Variants in MCTP2 observed in about 807,000 individuals in gnomAD.
MCTP2 encodes the protein multiple C2 and transmembrane domain containing 2, also known as multiple C2 and transmembrane domain-containing protein 2.
MCTP2 carries 132 observed loss-of-function variants against 111.6 expected under a neutral mutation model. That is an observed-to-expected ratio of 1.18 (90% confidence interval 1.03 to 1.37). The LOEUF (loss-of-function observed/expected upper bound fraction) is 1.37, where lower values mean the gene tolerates loss of function less well. Ranked by LOEUF, MCTP2 falls within the 40% of genes most tolerant of loss-of-function variation. MCTP2 has a pLI of 0.00. For synonymous variants in MCTP2, 395 were observed against 387.7 expected (o/e 1.02, Z -0.22); for missense variants, 1,183 against 1,067.9 (o/e 1.11, Z -1.50).
intron 1 of MCTP2, among the ~76,000 whole-genome samples, chr15:94,259,072 C>T (rs1202029172): frequency 6.6e-6 from 1 of 152,162 alleles, no homozygotes; most frequent in Non-Finnish European, 1.5e-5. Flanking sequence ...TCTTCCTACA[C>T]TCTGTGGCTA....
At chr15:94,243,450 C>T (rs866233335) in intron 1 of MCTP2, among the ~76,000 whole-genome samples, 2 of 100,254 alleles carry the variant, frequency 2.0e-5, no homozygotes, top group South Asian at 3.1e-4. Context: ...CATACGTATG[C>T]GTACATGCGT....
chr15:94,298,792 TTCTCCCTCTCTCCCCA>T (rs1172118424), intron 2 of MCTP2, 62 bp downstream of exon 2: 28 of 1,070,556 alleles, frequency 2.6e-5, no homozygotes, highest in African/African-American at 2.3e-4. Flanking sequence ...TTCCCTCTCT[TTCTCCCTCTCTCCCCA>T]TCTCCCTCTC....
chr15:94,386,359 T>A (rs1339892056), intron 14 of MCTP2, among the ~76,000 whole-genome samples: 1 of 152,226 alleles, frequency 6.6e-6, no homozygotes, highest in Admixed American at 6.5e-5. Context: ...TTCCAAGCTA[T>A]CTGTGGATTT....
intron 14 of MCTP2, among the ~76,000 whole-genome samples, chr15:94,398,049 A>G (rs1168696690): frequency 6.6e-6 from 1 of 152,224 alleles, no homozygotes; most frequent in Non-Finnish European, 1.5e-5. Flanking sequence ...AGTTTCCAAA[A>G]TCATACTGAA....
rs567127785 is a variant in MCTP2 at position 94,311,480 on chromosome 15, C to T, written c.466-2802C>T. Among the ~76,000 whole-genome samples, 4 of 152,270 alleles carry T rather than the reference C, an allele frequency of 2.6e-5. No individual in the cohort carries two copies. In the East Asian group the frequency reaches 5.8e-4, roughly 22 times the overall value. On this transcript the variant is annotated intron_variant, in intron 2 of 22. Coordinates refer to ENST00000357742, the MANE Select transcript of MCTP2 (RefSeq NM_001385001.1). ...TGAAAATAATGCAACTTCTACTCAA[C>T]GAATAATACCACAGGCACTATGCAA...
intron 1 of MCTP2, among the ~76,000 whole-genome samples, chr15:94,259,968 T>G (rs2073081185): frequency 6.6e-6 from 1 of 152,218 alleles, no homozygotes; most frequent in African/African-American, 2.4e-5. Context: ...TTCCAGATCA[T>G]ACATTGGGTA....
At chr15:94,278,073 A>G (rs905012871) in intron 1 of MCTP2, 2 of 152,180 alleles carry the variant, frequency 1.3e-5, no homozygotes, top group African/African-American at 2.4e-5. Flanking sequence ...TGAAAATATC[A>G]TGAAGCTGTC....
chr15:94,332,377 G>A (rs1373222839), intron 4 of MCTP2, among the ~76,000 whole-genome samples: 3 of 152,160 alleles, frequency 2.0e-5, no homozygotes, highest in African/African-American at 7.2e-5. Context: ...AAATATGTGT[G>A]TATATTCAGA....
At chr15:94,425,684 A>G (rs1814663001) in intron 17 of MCTP2, among the ~76,000 whole-genome samples, 2 of 152,168 alleles carry the variant, frequency 1.3e-5, no homozygotes, top group Admixed American at 1.3e-4. Flanking sequence ...AAAAGACACA[A>G]ACAGGCATTG....
chr15:94,446,721 T>C (rs2084137889), intron 19 of MCTP2, among the ~76,000 whole-genome samples: 1 of 152,208 alleles, frequency 6.6e-6, no homozygotes, highest in African/African-American at 2.4e-5. Context: ...AAGCCCTGCT[T>C]AATGCTATCA....
chr15:94,339,027 C>T (rs764432296), intron 4 of MCTP2, among the ~76,000 whole-genome samples: 9 of 151,950 alleles, frequency 5.9e-5, no homozygotes, highest in Non-Finnish European at 1.3e-4. Context: ...TGAATTTTTG[C>T]GAGTAGTATA....
intron 1 of MCTP2, among the ~76,000 whole-genome samples, chr15:94,265,860 G>A (rs796499164): frequency 2.0e-5 from 3 of 152,258 alleles, no homozygotes; most frequent in African/African-American, 7.2e-5. Flanking sequence ...TTTAGCAGAA[G>A]CAATGTAATT....
chr15:94,427,035 G>A (rs796857415), intron 17 of MCTP2, among the ~76,000 whole-genome samples: 12 of 152,132 alleles, frequency 7.9e-5, no homozygotes, highest in African/African-American at 2.7e-4. Context: ...TTTCTGCTTG[G>A]TCTTAACCTT....
chr15:94,480,761 C>A lies in MCTP2; in HGVS notation c.*1727C>A, dbSNP rs2074685780. 1 of 152,170 alleles carries A rather than the reference C, an allele frequency of 6.6e-6. No homozygotes were observed. The highest frequency in any genetic ancestry group is 2.1e-4 in the South Asian group (1 of 4,828). The allele number at this position is 152,170 out of a possible 1,614,324, so 9.4% of individuals were successfully genotyped here. A position where few individuals can be genotyped will look rare whatever the true frequency, so the allele number is the denominator to read the frequency against. Reference sequence around the variant, plus strand: ...ATGAAAACTTTCAGCAGCAAAATAACCCCTTATTTATTTAAAAGTGGAACC... The same window carrying A: ...ATGAAAACTTTCAGCAGCAAAATAAACCCTTATTTATTTAAAAGTGGAACC... On this transcript the variant is annotated 3_prime_UTR_variant, in exon 23 of 23. Transcript: ENST00000357742.
Position 94,482,162 on chromosome 15 carries a change from G to A in MCTP2, c.*3128G>A, listed in dbSNP as rs183774467. ...GGAACAAAACAGACTACATTCCCTTGGTAAAGCCAGACATTAAACAGATAC... is the reference window on the plus strand; with the variant it reads ...GGAACAAAACAGACTACATTCCCTTAGTAAAGCCAGACATTAAACAGATAC... On this transcript the variant is annotated 3_prime_UTR_variant, in exon 23 of 23. Coordinates refer to ENST00000357742, the MANE Select transcript of MCTP2 (RefSeq NM_001385001.1). 120 of 151,986 alleles carry A rather than the reference G, an allele frequency of 7.9e-4. No individual in the cohort carries two copies. The highest frequency in any genetic ancestry group is 2.8e-3 in the African/African-American group (116 of 41,458). The allele number at this position is 151,986 out of a possible 1,614,324, so 9.4% of individuals were successfully genotyped here. A position where few individuals can be genotyped will look rare whatever the true frequency, so the allele number is the denominator to read the frequency against.
chr15:94,256,105 G>GCTTT (rs2072750661), intron 1 of MCTP2, among the ~76,000 whole-genome samples: 1 of 152,148 alleles, frequency 6.6e-6, no homozygotes, highest in African/African-American at 2.4e-5. Flanking sequence ...AAGCTTTTGA[G>GCTTT]TGCAGACATA....
intron 21 of MCTP2, among the ~76,000 whole-genome samples, 179 bp downstream of exon 21, chr15:94,470,621 G>T (rs1272652695): frequency 1.3e-5 from 2 of 152,202 alleles, no homozygotes; most frequent in Admixed American, 1.3e-4. Flanking sequence ...TTGCATGAGT[G>T]ATCAGCATAG....
At chr15:94,255,861 A>C (rs1269733188) in intron 1 of MCTP2, among the ~76,000 whole-genome samples, 2 of 152,220 alleles carry the variant, frequency 1.3e-5, no homozygotes, top group African/African-American at 2.4e-5. Context: ...ATTGTTTAGC[A>C]ACTATGGAAT....
chr15:94,460,411 C>T (rs1322907976), intron 20 of MCTP2, among the ~76,000 whole-genome samples: 2 of 152,040 alleles, frequency 1.3e-5, no homozygotes, highest in Non-Finnish European at 2.9e-5. Flanking sequence ...CATGGAGGTG[C>T]GGTTGGCAGT....
Sources: gnomAD v4.1 joint callset for allele counts (sites outside exome capture counted in the v4.1 genomes callset) on GRCh38, gnomAD v4.1.1 for gene constraint, MANE v1.5 for transcripts, NCBI Gene and HGNC (gene_info 2026-07-23, HGNC 2026-07-21) for gene names.